The following MAP4K5 variants were observed in gnomAD, a reference collection of about 807,000 sequenced individuals.
MAP4K5 encodes MAPK/ERK kinase kinase kinase 5.
Under a neutral mutation model 135.6 loss-of-function variants are expected in MAP4K5, and 82 were observed. The ratio of observed to expected loss-of-function variants is 0.60; its 90% confidence interval spans 0.51 to 0.73. The LOEUF is 0.73. MAP4K5 is among the 30% of genes least tolerant of loss of function. The pLI is 0.00. For missense variants in MAP4K5, 907 were observed against 1,010.9 expected (o/e 0.90, Z 1.39); for synonymous variants, 347 against 335.0 (o/e 1.04, Z -0.39).
intron 10 of MAP4K5, among the ~76,000 whole-genome samples, chr14:50,466,981 T>C (rs1057049136): frequency 2.6e-5 from 4 of 152,146 alleles, no homozygotes; most frequent in African/African-American, 9.6e-5. Flanking sequence ...CTCTAATACA[T>C]AGAGATGACA....
intron 14 of MAP4K5, 147 bp from the exon 15 acceptor site, chr14:50,448,979 GT>G (rs1305738980): frequency 1.6e-6 from 1 of 613,138 alleles, no homozygotes; most frequent in Non-Finnish European, 2.8e-6. Context: ...GACTACAAGA[GT>G]ACCCCTTTGT....
At chr14:50,538,252 C>T (rs930916341) in intron 2 of MAP4K5, among the ~76,000 whole-genome samples, 32 of 152,184 alleles carry the variant, frequency 2.1e-4, no homozygotes, top group Admixed American at 1.8e-3. Flanking sequence ...GTGACTTGCT[C>T]CTCCTTGCCT....
At chr14:50,463,588 A>G (rs1477711627) in intron 12 of MAP4K5, among the ~76,000 whole-genome samples, 1 of 152,138 alleles carries the variant, frequency 6.6e-6, no homozygotes, top group Non-Finnish European at 1.5e-5. Context: ...TGACCCGCCT[A>G]TAGAAAATTT....
At position 50,446,566 on chromosome 14, in the gene MAP4K5, G is replaced by C. The variant is rs74053507; in HGVS notation, c.1143-445C>G. On this transcript the variant is annotated intron_variant, in intron 16 of 32. Transcript: ENST00000682126. ...AATCTTCCTTTTAATAAGCTCTCCA[G>C]GTCAATAAGTTTGAGAAGCACTTAT... is the stretch of plus-strand genomic sequence containing the variant. 4.9e-3 allele frequency among the ~76,000 whole-genome samples: 743 copies of C among 152,196 alleles called. 8 individuals are homozygous for C. The highest frequency in any genetic ancestry group is 0.017 in the African/African-American group (695 of 41,506).
chr14:50,463,486 C>T lies in MAP4K5; in HGVS notation c.819+566G>A, dbSNP rs765618002. 2.2e-3 allele frequency among the ~76,000 whole-genome samples: 339 copies of T among 152,262 alleles called. 1 individual carries two copies. Among genetic ancestry groups the T allele is most frequent in the Non-Finnish European group, 3.7e-3 (251 of 68,028 alleles). The stretch of plus-strand genomic sequence containing the variant: ...TATTAAAACTATACCCACATATATA[C>T]ACTGTTTATGGCTGCTTCTGGGCTA... On this transcript the variant is annotated intron_variant, in intron 12 of 32. Coordinates refer to ENST00000682126, the MANE Select transcript of MAP4K5 (RefSeq NM_006575.6).
rs1420526119 is a variant in MAP4K5 at position 50,419,994 on chromosome 14, G to A, written c.*25C>T. 1 of 1,501,850 alleles carries A rather than the reference G, an allele frequency of 6.7e-7. No individual in the cohort carries two copies. The highest frequency in any genetic ancestry group is 1.2e-5 in the South Asian group (1 of 85,376). The allele number at this position is 1,501,850 out of a possible 1,614,324, so 93.0% of individuals were successfully genotyped here. On this transcript the variant is annotated 3_prime_UTR_variant, in exon 33 of 33. Coordinates refer to ENST00000682126, the MANE Select transcript of MAP4K5 (RefSeq NM_006575.6). ...TTCAATGGAGTATATTCATTTTCCT[G>A]TCATTTGAGATCAGTTTCTGTTGCT...
At chr14:50,508,518 A>G (rs912513166) in intron 2 of MAP4K5, among the ~76,000 whole-genome samples, 1 of 152,032 alleles carries the variant, frequency 6.6e-6, no homozygotes, top group African/African-American at 2.4e-5. Context: ...TTGAACAATG[A>G]GAACACTTGG....
intron 3 of MAP4K5, among the ~76,000 whole-genome samples, chr14:50,492,042 G>A (rs996214817): frequency 6.6e-6 from 1 of 152,038 alleles, no homozygotes; most frequent in African/African-American, 2.4e-5. Flanking sequence ...ATATTAGTGA[G>A]TATTTTCCAT....
In MAP4K5 at chr14:50,548,803, C is replaced by T. The variant is rs563324623; in HGVS notation, c.-179-6219G>A. 4.6e-5 allele frequency among the ~76,000 whole-genome samples: 7 copies of T among 152,270 alleles called. No homozygotes were observed. The South Asian group carries it at 1.2e-3, about 27-fold the overall frequency. ...GGGATTACAGGTGTGAGCCACTGCA[C>T]CCGGCCTGGTCTCAATTATGAAAGG... is the stretch of plus-strand genomic sequence containing the variant. On this transcript the variant is annotated intron_variant, in intron 1 of 8. Coordinates refer to the MAP4K5 transcript ENST00000555216.
At chr14:50,488,448 A>G (rs1232353837) in intron 3 of MAP4K5, among the ~76,000 whole-genome samples, 1 of 152,208 alleles carries the variant, frequency 6.6e-6, no homozygotes, top group African/African-American at 2.4e-5. Flanking sequence ...GAAGCCTTAT[A>G]TCTGAGCTAT....
In MAP4K5 at chr14:50,552,525, G is replaced by T. The variant is rs573594954; in HGVS notation, c.-180+8515C>A. Among the ~76,000 whole-genome samples, 729 of 152,094 alleles carry T rather than the reference G, an allele frequency of 4.8e-3. 2 individuals carry two copies. The highest frequency in any genetic ancestry group is 7.2e-3 in the Non-Finnish European group (487 of 67,964). ...GAACTAGAAAAATATCCTAAAATTT[G>T]TATGGAACCAAAAAAGAGCCCACAT... is the stretch of plus-strand genomic sequence containing the variant. On this transcript the variant is annotated intron_variant, in intron 1 of 8. Transcript: ENST00000555216.
chr14:50,482,378 A>T lies in MAP4K5; in HGVS notation c.361T>A (p.Cys121Ser). The T allele has an allele frequency of 1.3e-6, 2 of 1,526,972 alleles. No individual in the cohort carries two copies. Among genetic ancestry groups the T allele is most frequent in the Non-Finnish European group, 1.8e-6 (2 of 1,139,304 alleles). 94.6% of individuals were successfully genotyped at this position (1,526,972 alleles called of 1,614,324 possible). A position where few individuals can be genotyped will look rare whatever the true frequency, so the allele number is the denominator to read the frequency against. Residue 121 changes from cysteine to serine, a missense_variant, in exon 6 of 33, where the codon TGC becomes AGC. This residue lies in a region of MAP4K5 where 196 missense variants were observed against 189.3 expected (regional missense o/e 1.04). Transcript: ENST00000682126. ...TATAGTACCTGTAAGGTTTCTCTGC[A>T]TACATAGGCTATTTGCAATTCTGAT... ...PLSELQIAYV[C>S]RETLQGLAYL...
chr14:50,456,458 A>G, intron 14 of MAP4K5, 58 bp downstream of exon 14: 1 of 1,220,138 alleles, frequency 8.2e-7, no homozygotes, highest in Non-Finnish European at 1.2e-6. Flanking sequence ...AAAACATACA[A>G]GAACACGCAG....
intron 3 of MAP4K5, among the ~76,000 whole-genome samples, chr14:50,496,083 T>C (rs2139982179): frequency 6.6e-6 from 1 of 152,154 alleles, no homozygotes; most frequent in Admixed American, 6.5e-5. Context: ...CCAGCACTTT[T>C]GGAGGCCGAG....
At chr14:50,529,472 T>G (rs2038339529) in intron 2 of MAP4K5, among the ~76,000 whole-genome samples, 2 of 152,144 alleles carry the variant, frequency 1.3e-5, no homozygotes, top group Non-Finnish European at 2.9e-5. Flanking sequence ...AAGCATGTGC[T>G]CAGAGAACTA....
chr14:50,425,141 C>T (rs1341182097), intron 31 of MAP4K5, among the ~76,000 whole-genome samples: 5 of 76,900 alleles, frequency 6.5e-5, no homozygotes, highest in African/African-American at 9.9e-5. Flanking sequence ...CAAGTATTCA[C>T]GTAAATGTGA....
In MAP4K5 at chr14:50,429,250, C is replaced by G. The variant is rs529661440; in HGVS notation, c.2175G>C (p.Gln725His). The G allele has an allele frequency of 9.6e-6, 15 of 1,560,918 alleles. No individual in the cohort carries two copies. The highest frequency in any genetic ancestry group is 1.3e-5 in the Non-Finnish European group (15 of 1,150,632). The change falls in exon 29 of 33, where the codon CAG (glutamine) becomes CAC (histidine). Residue 725 changes from glutamine to histidine, a missense_variant. Physicochemically the swap from Gln to His is conservative, Grantham distance 24. Around this residue, in one of 3 missense-constraint regions of MAP4K5, gnomAD observed 690 missense variants for 777.4 expected, o/e 0.89. Coordinates refer to ENST00000682126, the MANE Select transcript of MAP4K5 (RefSeq NM_006575.6). Reference sequence around the variant, plus strand: ...ACTGTGTTACATGAATGGAATCTAACTGCTGGCTGCCTTAGGAAGTAAAAA... The same window carrying G: ...ACTGTGTTACATGAATGGAATCTAAGTGCTGGCTGCCTTAGGAAGTAAAAA... Reference protein sequence around the residue: ...WFTEIGAGSQQLDSIHVTQLE... With the variant: ...WFTEIGAGSQHLDSIHVTQLE...
intron 1 of MAP4K5, 73 bp from the exon 2 acceptor site, chr14:50,532,231 C>G: frequency 1.8e-6 from 1 of 556,296 alleles, no homozygotes; most frequent in Non-Finnish European, 3.2e-6. Context: ...CCTCGCGGCC[C>G]GGCCCCTTCC....
intron 29 of MAP4K5, 46 bp downstream of exon 29, chr14:50,429,146 C>A (rs1294991676): frequency 9.4e-7 from 1 of 1,060,848 alleles, no homozygotes; most frequent in Non-Finnish European, 1.3e-6. Flanking sequence ...AAAAAAATTG[C>A]TTTATCAAGT....
Sources: gnomAD v4.1 joint callset for allele counts (sites outside exome capture counted in the v4.1 genomes callset) on GRCh38, gnomAD v4.1.1 for gene constraint, gnomAD v4.1.1 regional missense constraint, MANE v1.5 for transcripts, NCBI Gene and HGNC (gene_info 2026-07-23, HGNC 2026-07-21) for gene names.